DLGAP1: variants seen among roughly 807,000 people sequenced by gnomAD.
The protein encoded by DLGAP1 is DLG associated protein 1, also known as disks large-associated protein 1.
In DLGAP1, 11 loss-of-function variants were observed where a neutral mutation model predicts 90.8. The observed-to-expected ratio is 0.12, with a 90% CI of 0.08 to 0.20. The LOEUF (loss-of-function observed/expected upper bound fraction) is 0.20, where lower values mean the gene tolerates loss of function less well. Ranked by LOEUF, DLGAP1 falls within the 10% of genes least tolerant of loss-of-function variation. The probability of loss-of-function intolerance (pLI) is 1.00; values close to 1 mark genes in which losing one functional copy is unlikely to be tolerated. For synonymous variants in DLGAP1, 558 were observed against 540.7 expected (o/e 1.03, Z -0.44); for missense variants, 1,050 against 1,333.8 (o/e 0.79, Z 3.31).
intron 1 of DLGAP1, among the ~76,000 whole-genome samples, chr18:4,408,982 C>A (rs1364077380): frequency 5.0e-4 from 1 of 2,010 alleles, no homozygotes; most frequent in Non-Finnish European, 1.1e-3. Flanking sequence ...CACACACAAA[C>A]ACACACACAC....
rs535695621 is a variant in DLGAP1 at position 4,273,683 on chromosome 18, A to G, written c.-266-122396T>C. Among the ~76,000 whole-genome samples the G allele has an allele frequency of 6.6e-5, 10 of 152,268 alleles. No homozygotes were observed. In the East Asian group the frequency reaches 1.2e-3, roughly 18 times the overall value. ...TTCCTGGGCTCAAGCAGTTCTCCCA[A>G]TTCAGCCTCCCAGATAGCTGGGATT... is the stretch of plus-strand genomic sequence containing the variant. On this transcript the variant is annotated intron_variant, in intron 1 of 12. Transcript: ENST00000315677.
At chr18:4,183,288 A>G (rs1423031788) in intron 1 of DLGAP1, among the ~76,000 whole-genome samples, 2 of 152,134 alleles carry the variant, frequency 1.3e-5, no homozygotes, top group Non-Finnish European at 2.9e-5. Flanking sequence ...GTTTAACTCT[A>G]GTGCAAAATA....
At chr18:3,693,613 A>AG in intron 7 of DLGAP1, among the ~76,000 whole-genome samples, 1 of 152,350 alleles carries the variant, frequency 6.6e-6, no homozygotes, top group East Asian at 1.9e-4. Context: ...TCACACATCC[A>AG]GGGGTAATTG....
intron 2 of DLGAP1, among the ~76,000 whole-genome samples, chr18:4,145,260 G>A (rs1301277367): frequency 6.6e-6 from 1 of 152,110 alleles, no homozygotes; most frequent in Admixed American, 6.5e-5. Context: ...CTACAATCAG[G>A]TTTTCTATCT....
At chr18:3,933,738 T>TCCGTTA (rs1276698080) in intron 3 of DLGAP1, among the ~76,000 whole-genome samples, 4 of 152,176 alleles carry the variant, frequency 2.6e-5, no homozygotes, top group African/African-American at 9.7e-5. Context: ...TTTCTCATAC[T>TCCGTTA]CCGTTAGATT....
At chr18:4,098,946 C>G (rs2075728467) in intron 2 of DLGAP1, among the ~76,000 whole-genome samples, 1 of 152,188 alleles carries the variant, frequency 6.6e-6, no homozygotes, top group African/African-American at 2.4e-5. Flanking sequence ...AGTACCCTTA[C>G]AAGCACTGGG....
intron 1 of DLGAP1, among the ~76,000 whole-genome samples, chr18:4,371,449 C>G (rs2081914824): frequency 6.6e-6 from 1 of 152,194 alleles, no homozygotes; most frequent in African/African-American, 2.4e-5. Context: ...GATAGCATCA[C>G]ATGCGTTTGT....
At chr18:3,965,333 G>A (rs555350761) in intron 3 of DLGAP1, among the ~76,000 whole-genome samples, 4 of 152,152 alleles carry the variant, frequency 2.6e-5, no homozygotes, top group Non-Finnish European at 4.4e-5. Context: ...AGCCAGACAA[G>A]GTTGACTTAA....
At chr18:4,283,395 T>G (rs746789448) in intron 1 of DLGAP1, among the ~76,000 whole-genome samples, 1 of 152,164 alleles carries the variant, frequency 6.6e-6, no homozygotes, top group Non-Finnish European at 1.5e-5. Flanking sequence ...AGCAAAAGGA[T>G]TAGATTTATT....
chr18:3,587,989 G>A (rs1269461248), intron 7 of DLGAP1, among the ~76,000 whole-genome samples: 1 of 152,228 alleles, frequency 6.6e-6, no homozygotes, highest in East Asian at 1.9e-4. Flanking sequence ...CCTTTGCCCT[G>A]ATAAGTTTTT....
intron 2 of DLGAP1, among the ~76,000 whole-genome samples, chr18:4,006,610 G>A (rs1219661731): frequency 6.6e-6 from 1 of 150,644 alleles, no homozygotes; most frequent in Non-Finnish European, 1.5e-5. Context: ...ATGTGTCCCT[G>A]GGAAAATTAG....
intron 1 of DLGAP1, among the ~76,000 whole-genome samples, chr18:4,345,803 C>T (rs1411726793): frequency 6.6e-6 from 1 of 152,180 alleles, no homozygotes; most frequent in Non-Finnish European, 1.5e-5. Context: ...TATAGCTTTC[C>T]AATTTACAAG....
chr18:3,867,161 G>A (rs1295805896), intron 4 of DLGAP1, among the ~76,000 whole-genome samples: 2 of 152,146 alleles, frequency 1.3e-5, no homozygotes, highest in African/African-American at 4.8e-5. Flanking sequence ...CAGAATCAGT[G>A]TTATTAACAC....
intron 2 of DLGAP1, among the ~76,000 whole-genome samples, chr18:4,129,564 T>C (rs1477046410): frequency 6.6e-6 from 1 of 152,192 alleles, no homozygotes; most frequent in Non-Finnish European, 1.5e-5. Context: ...ATATGTGCTT[T>C]TCTAAGACTA....
At chr18:4,009,315 A>G (rs989972591) in intron 2 of DLGAP1, among the ~76,000 whole-genome samples, 13 of 152,198 alleles carry the variant, frequency 8.5e-5, no homozygotes, top group Non-Finnish European at 1.8e-4. Context: ...GTCTGGCATC[A>G]CTAATCTTGT....
At chr18:3,730,125 G>A (rs907150577) in intron 6 of DLGAP1, among the ~76,000 whole-genome samples, 1 of 151,774 alleles carries the variant, frequency 6.6e-6, no homozygotes, top group Non-Finnish European at 1.5e-5. Flanking sequence ...GTTGTGGCTC[G>A]CACCTATTAC....
intron 5 of DLGAP1, among the ~76,000 whole-genome samples, chr18:3,804,871 C>A (rs994613609): frequency 1.3e-5 from 2 of 152,194 alleles, no homozygotes; most frequent in African/African-American, 4.8e-5. Flanking sequence ...GAAAATAAAC[C>A]AGTGCTTAAG....
intron 2 of DLGAP1, among the ~76,000 whole-genome samples, chr18:4,100,575 G>GA (rs2075764357): frequency 6.6e-6 from 1 of 152,214 alleles, no homozygotes; most frequent in Non-Finnish European, 1.5e-5. Flanking sequence ...CCTAACAAGA[G>GA]AGTCAGCCTG....
At chr18:4,401,524 G>T (rs1818973536) in intron 1 of DLGAP1, among the ~76,000 whole-genome samples, 1 of 152,096 alleles carries the variant, frequency 6.6e-6, no homozygotes, top group Non-Finnish European at 1.5e-5. Context: ...AGAATTTAGT[G>T]ATCAAGAACT....
Sources: allele counts gnomAD v4.1 joint callset (sites outside exome capture counted in the v4.1 genomes callset), GRCh38; gene constraint gnomAD v4.1.1; transcripts MANE v1.5; gene names NCBI Gene and HGNC (gene_info 2026-07-23, HGNC 2026-07-21).